PCDH15: variants seen among roughly 807,000 people sequenced by gnomAD.
PCDH15 encodes protocadherin related 15.
A neutral mutation model predicts 178.5 loss-of-function variants in PCDH15; 129 were observed. The ratio of observed to expected loss-of-function variants is 0.72; its 90% confidence interval spans 0.63 to 0.84. The LOEUF is 0.84. PCDH15 is among the 40% of genes least tolerant of loss of function. PCDH15 has a pLI of 0.00. For missense variants in PCDH15, 2,230 were observed against 2,099.9 expected, an observed-to-expected ratio of 1.06 and a Z score of -1.21; for synonymous variants, 800 against 732.0, an observed-to-expected ratio of 1.09 and a Z score of -1.50.
At chr10:54,772,876 CAAT>C (rs1949256728) in intron 1 of PCDH15, among the ~76,000 whole-genome samples, 1 of 152,044 alleles carries the variant, frequency 6.6e-6, no homozygotes, top group Admixed American at 6.6e-5. Flanking sequence ...AAATGACTAT[CAAT>C]GATAGACTGG....
chr10:54,293,483 A>C (rs866752022), intron 8 of PCDH15, among the ~76,000 whole-genome samples: 1 of 152,192 alleles, frequency 6.6e-6, no homozygotes, highest in Non-Finnish European at 1.5e-5. Flanking sequence ...GAATTAAACT[A>C]AAGAGCTTCT....
At chr10:54,284,003 A>T (rs994680756) in intron 8 of PCDH15, among the ~76,000 whole-genome samples, 11 of 152,098 alleles carry the variant, frequency 7.2e-5, no homozygotes, top group African/African-American at 2.2e-4. Context: ...AAATAATTTT[A>T]AAAAAATTTT....
intron 2 of PCDH15, among the ~76,000 whole-genome samples, chr10:55,424,150 A>G (rs1207815812): frequency 1.3e-5 from 2 of 152,150 alleles, no homozygotes; most frequent in East Asian, 1.9e-4. Flanking sequence ...TCCTTCTCCA[A>G]AAAGGAACTC....
chr10:54,260,342 T>A (rs1480408810), intron 8 of PCDH15, among the ~76,000 whole-genome samples: 1 of 152,028 alleles, frequency 6.6e-6, no homozygotes, highest in East Asian at 1.9e-4. Flanking sequence ...CAATTTTTAT[T>A]TAACATGAGT....
At chr10:54,169,433 T>C (rs921685609) in intron 13 of PCDH15, among the ~76,000 whole-genome samples, 8 of 137,840 alleles carry the variant, frequency 5.8e-5, no homozygotes, top group African/African-American at 2.1e-4. Flanking sequence ...CTCTGAAAAC[T>C]CCCCAACTCT....
chr10:54,235,849 T>G (rs972450781), intron 9 of PCDH15, among the ~76,000 whole-genome samples: 4 of 152,184 alleles, frequency 2.6e-5, no homozygotes, highest in Admixed American at 2.0e-4. Context: ...ATAGTTTCTG[T>G]TTATGAAAGT....
intron 2 of PCDH15, among the ~76,000 whole-genome samples, chr10:55,148,682 T>C (rs960383539): frequency 6.6e-6 from 1 of 151,754 alleles, no homozygotes; most frequent in African/African-American, 2.4e-5. Context: ...TTCCACATTT[T>C]ATTGGAAAAT....
At chr10:53,816,873 G>GCCA (rs2076077589) in intron 34 of PCDH15, among the ~76,000 whole-genome samples, 1 of 152,150 alleles carries the variant, frequency 6.6e-6, no homozygotes, top group Admixed American at 6.5e-5. Context: ...GATTTGGTAG[G>GCCA]AATTGCTTCC....
chr10:54,462,666 A>T (rs1589540889), intron 3 of PCDH15, among the ~76,000 whole-genome samples: 3 of 127,774 alleles, frequency 2.3e-5, no homozygotes. Flanking sequence ...GGCACGTGTC[A>T]CCACACCTGC....
intron 2 of PCDH15, among the ~76,000 whole-genome samples, chr10:55,605,468 C>G (rs1843194359): frequency 6.6e-6 from 1 of 150,696 alleles, no homozygotes; most frequent in Admixed American, 6.6e-5. Flanking sequence ...GACCAATATC[C>G]TTGATGAACA....
At chr10:55,288,760 T>TC (rs1293465584) in intron 1 of PCDH15, among the ~76,000 whole-genome samples, 1 of 151,954 alleles carries the variant, frequency 6.6e-6, no homozygotes. Flanking sequence ...TACCACATTT[T>TC]CTTTATCCGT....
intron 2 of PCDH15, among the ~76,000 whole-genome samples, chr10:55,042,669 T>A (rs1317260714): frequency 1.3e-5 from 2 of 152,100 alleles, no homozygotes; most frequent in Non-Finnish European, 2.9e-5. Context: ...ATATATTTTT[T>A]AAATTAAAAG....
chr10:54,072,363 A>G (rs539858894), intron 17 of PCDH15, among the ~76,000 whole-genome samples: 1 of 152,324 alleles, frequency 6.6e-6, no homozygotes, highest in Non-Finnish European at 1.5e-5. Flanking sequence ...AGCCAACTTC[A>G]TTCAGATTGT....
At chr10:54,002,662 T>A (rs773536848) in intron 20 of PCDH15, among the ~76,000 whole-genome samples, 25 of 152,060 alleles carry the variant, frequency 1.6e-4, no homozygotes, top group Non-Finnish European at 3.2e-4. Flanking sequence ...AAATACAAAG[T>A]ATCAAAACCA....
intron 2 of PCDH15, among the ~76,000 whole-genome samples, chr10:55,157,841 A>G (rs1467493413): frequency 6.6e-5 from 10 of 151,938 alleles, no homozygotes; most frequent in Non-Finnish European, 1.5e-4. Flanking sequence ...GCATTAGGAG[A>G]TATACCTAAT....
intron 2 of PCDH15, among the ~76,000 whole-genome samples, chr10:55,059,023 C>G (rs530891530): frequency 6.6e-6 from 1 of 152,168 alleles, no homozygotes; most frequent in Admixed American, 6.6e-5. Context: ...AATTAAATCA[C>G]GGTCCGTGAA....
chr10:54,625,311 G>A (rs1032838640), intron 2 of PCDH15, among the ~76,000 whole-genome samples: 3 of 152,144 alleles, frequency 2.0e-5, no homozygotes, highest in African/African-American at 7.2e-5. Flanking sequence ...CAACGACAAG[G>A]AAAGGACTAC....
intron 3 of PCDH15, among the ~76,000 whole-genome samples, chr10:54,865,993 A>C (rs147454698): frequency 6.6e-6 from 1 of 152,326 alleles, no homozygotes; most frequent in African/African-American, 2.4e-5. Flanking sequence ...TAGAAACTAG[A>C]GTAGTACAAA....
At position 54,832,774 on chromosome 10, in the gene PCDH15, T is replaced by C. The variant is rs75365921; in HGVS notation, c.-29+64676A>G. Among the ~76,000 whole-genome samples, 325 of 152,304 alleles carry C rather than the reference T, an allele frequency of 2.1e-3. 5 individuals carry two copies. Among genetic ancestry groups the C allele is most frequent in the Admixed American group, 0.015 (224 of 15,266 alleles). On this transcript the variant is annotated intron_variant, in intron 3 of 5. Coordinates refer to the PCDH15 transcript ENST00000458638. ...TAGTGCAATATGACAAAAAACATTA[T>C]CTCTGTTAACAGATAAAAATAGAGT...
Sources: allele counts gnomAD v4.1 joint callset (sites outside exome capture counted in the v4.1 genomes callset), GRCh38; gene constraint gnomAD v4.1.1; transcripts MANE v1.5; gene names NCBI Gene and HGNC (gene_info 2026-07-23, HGNC 2026-07-21).